The following FAM135B variants were observed in gnomAD, a reference collection of about 807,000 sequenced individuals.
FAM135B encodes the protein family with sequence similarity 135 member B, also known as protein FAM135B.
Under a neutral mutation model 127.7 loss-of-function variants are expected in FAM135B, and 43 were observed. The ratio of observed to expected loss-of-function variants is 0.34; its 90% CI spans 0.26 to 0.43. FAM135B has a LOEUF of 0.43. FAM135B is among the 20% of genes least tolerant of loss of function. The pLI, the probability that FAM135B is intolerant of heterozygous loss-of-function variation, is 1.00. For synonymous variants in FAM135B, 670 were observed against 665.1 expected (o/e 1.01, Z -0.11); for missense variants, 1,558 against 1,725.6 (o/e 0.90, Z 1.72).
At chr8:138,382,431 G>A (rs957246139) in intron 1 of FAM135B, among the ~76,000 whole-genome samples, 6 of 152,034 alleles carry the variant, frequency 3.9e-5, no homozygotes, top group South Asian at 2.1e-4. Flanking sequence ...TTCAGTGGTC[G>A]GCTCATAGTC....
chr8:138,332,033 T>C (rs903971300), intron 2 of FAM135B, among the ~76,000 whole-genome samples: 6 of 152,220 alleles, frequency 3.9e-5, no homozygotes, highest in African/African-American at 9.6e-5. Flanking sequence ...ACTTATGTTA[T>C]GAAACCCAGT....
intron 14 of FAM135B, among the ~76,000 whole-genome samples, chr8:138,146,728 T>C (rs944741641): frequency 6.6e-6 from 1 of 152,110 alleles, no homozygotes; most frequent in African/African-American, 2.4e-5. Context: ...TACGACAGAA[T>C]AAGGTTTATA....
At chr8:138,247,577 T>G (rs535796265) in intron 6 of FAM135B, among the ~76,000 whole-genome samples, 1 of 152,346 alleles carries the variant, frequency 6.6e-6, no homozygotes, top group African/African-American at 2.4e-5. Context: ...TAAACCTCTT[T>G]CCTTTATACA....
In FAM135B at chr8:138,142,805, T is replaced by C. The variant is rs1453645804; in HGVS notation, c.3638+207A>G. Reference sequence around the variant, plus strand: ...TCTTTCTACAGAACTACAAAATTTTTATTCTCCCTGACACAAACTATGGCA... The same window carrying C: ...TCTTTCTACAGAACTACAAAATTTTCATTCTCCCTGACACAAACTATGGCA... On this transcript the variant is annotated intron_variant, in intron 16 of 19. Transcript: ENST00000395297. 8.6e-6 allele frequency: 4 copies of C among 462,476 alleles called. No individual in the cohort carries two copies. In the East Asian group the frequency reaches 1.4e-4, roughly 16 times the overall value. 28.6% of individuals were successfully genotyped at this position (462,476 alleles called of 1,614,324 possible).
chr8:138,451,115 C>T (rs895470487), intron 1 of FAM135B, among the ~76,000 whole-genome samples: 1 of 152,174 alleles, frequency 6.6e-6, no homozygotes, highest in African/African-American at 2.4e-5. Context: ...ACAGGCCCTG[C>T]TCATTCAATG....
intron 3 of FAM135B, among the ~76,000 whole-genome samples, chr8:138,303,233 C>T (rs1000906517): frequency 6.6e-6 from 1 of 152,178 alleles, no homozygotes; most frequent in African/African-American, 2.4e-5. Flanking sequence ...GGCACATATA[C>T]ACCATGGAGT....
chr8:138,291,360 G>A (rs1825097509), intron 3 of FAM135B, among the ~76,000 whole-genome samples: 1 of 152,070 alleles, frequency 6.6e-6, no homozygotes, highest in Non-Finnish European at 1.5e-5. Context: ...CATCACACAA[G>A]CATTTATACA....
intron 13 of FAM135B, among the ~76,000 whole-genome samples, chr8:138,150,668 AT>A (rs377320816): frequency 0.69 from 105,213 of 151,506 alleles, 36,616 homozygotes; most frequent in East Asian, 0.77. Context: ...CTCTGTCTCA[AT>A]AAATAAATAA....
chr8:138,159,672 G>T (rs947959272), intron 12 of FAM135B, among the ~76,000 whole-genome samples: 1 of 151,812 alleles, frequency 6.6e-6, no homozygotes, highest in African/African-American at 2.4e-5. Flanking sequence ...GACTTAATGG[G>T]TGCAGCACAC....
At chr8:138,372,545 A>T (rs1208201320) in intron 1 of FAM135B, among the ~76,000 whole-genome samples, 1 of 152,168 alleles carries the variant, frequency 6.6e-6, no homozygotes, top group Non-Finnish European at 1.5e-5. Context: ...GTGACCTTGG[A>T]GTCATTATTA....
At chr8:138,133,975 T>C (rs542228065) in intron 19 of FAM135B, among the ~76,000 whole-genome samples, 42 of 152,316 alleles carry the variant, frequency 2.8e-4, no homozygotes, top group Middle Eastern at 3.4e-3. Context: ...GCCATGTCAA[T>C]TCAGCTAAAA....
At position 138,243,107 on chromosome 8, in the gene FAM135B, A is replaced by G; in HGVS notation, c.543-39T>C. 5.7e-6 allele frequency: 9 copies of G among 1,584,556 alleles called. No homozygotes were observed. Among genetic ancestry groups the G allele is most frequent in the Non-Finnish European group, 3.4e-6 (4 of 1,165,854 alleles). ...AATTGAAAGGGTGAAAAAGGAGGTAAAGAAAGTGATGGTGCCATTAACTCA... is the reference window on the plus strand; with the variant it reads ...AATTGAAAGGGTGAAAAAGGAGGTAGAGAAAGTGATGGTGCCATTAACTCA... On this transcript the variant is annotated intron_variant, in intron 6 of 19. Transcript: ENST00000395297. The surrounding 1 kb of genome is among the most constrained non-coding windows in gnomAD (Gnocchi z 7.5).
chr8:138,151,137 T>C (rs1818103912), intron 13 of FAM135B, 57 bp downstream of exon 13: 2 of 1,347,228 alleles, frequency 1.5e-6, no homozygotes, highest in Admixed American at 2.8e-5. Flanking sequence ...AATGGAGAAA[T>C]ATGTGGAAAA....
chr8:138,324,265 A>G (rs1479461108), intron 2 of FAM135B, among the ~76,000 whole-genome samples: 1 of 152,226 alleles, frequency 6.6e-6, no homozygotes, highest in Non-Finnish European at 1.5e-5. Context: ...AAGGTTTTTC[A>G]AACTCCTGCA....
chr8:138,392,220 C>G (rs1446332891), intron 1 of FAM135B, among the ~76,000 whole-genome samples: 1 of 152,202 alleles, frequency 6.6e-6, no homozygotes, highest in East Asian at 1.9e-4. Context: ...TGGCCCCAGG[C>G]CCGGGAGCCC....
intron 7 of FAM135B, among the ~76,000 whole-genome samples, chr8:138,220,361 T>C (rs1406551370): frequency 6.6e-6 from 1 of 152,144 alleles, no homozygotes; most frequent in Non-Finnish European, 1.5e-5. Context: ...CTGGGGCACC[T>C]TGGGAAGGTC....
chr8:138,280,973 TCCGGGGGTGGAGGC>T (rs1350229634), intron 3 of FAM135B, among the ~76,000 whole-genome samples: 1 of 152,068 alleles, frequency 6.6e-6, no homozygotes, highest in Admixed American at 6.5e-5. Flanking sequence ...CTACAGCTCC[TCCGGGGGTGGAGGC>T]TTTAGCATGG....
At position 138,240,636 on chromosome 8, in the gene FAM135B, GC is replaced by G. The variant is rs1450141234; in HGVS notation, c.669+2305del. 4.6e-5 allele frequency among the ~76,000 whole-genome samples: 7 copies of G among 152,290 alleles called. No homozygotes were observed. In the East Asian group the frequency reaches 1.4e-3, roughly 29 times the overall value. ...CTGAATGAGTTGGTTTCTATTCCCA[GC>G]CACTCAGAGCCCAGTGGAGGAAGGA... On this transcript the variant is annotated intron_variant, in intron 7 of 19. Coordinates refer to ENST00000395297, the MANE Select transcript of FAM135B (RefSeq NM_015912.4).
chr8:138,385,888 C>T (rs764105037), intron 1 of FAM135B, among the ~76,000 whole-genome samples: 12 of 151,972 alleles, frequency 7.9e-5, no homozygotes, highest in East Asian at 1.9e-4. Flanking sequence ...AGAACAAATA[C>T]GATACTGGGT....
Sources: gnomAD v4.1 joint callset for allele counts (sites outside exome capture counted in the v4.1 genomes callset) on GRCh38, gnomAD v4.1.1 for gene constraint, Gnocchi (gnomAD v3.1) non-coding constraint, MANE v1.5 for transcripts, NCBI Gene and HGNC (gene_info 2026-07-23, HGNC 2026-07-21) for gene names.